Variants in CTBP2 observed in about 807,000 individuals in gnomAD.
CTBP2 encodes the protein C-terminal-binding protein 2.
In CTBP2, 30 loss-of-function variants were observed where a neutral mutation model predicts 80.3. The observed-to-expected ratio is 0.37, with a 90% CI of 0.28 to 0.51. CTBP2 has a LOEUF of 0.51. Among genes scored for constraint, CTBP2 ranks in the 20% least tolerant of loss-of-function variants. The pLI is 0.93. For synonymous variants in CTBP2, 594 were observed against 587.4 expected (o/e 1.01, Z -0.16); for missense variants, 1,212 against 1,375.3 (o/e 0.88, Z 1.88).
chr10:124,993,820 G>A (rs766702237), intron 6 of CTBP2, 35 bp downstream of exon 8: 4 of 1,596,784 alleles, frequency 2.5e-6, no homozygotes, highest in Non-Finnish European at 3.4e-6. Context: ...GCTGGGCCCT[G>A]TGGGCTCCTG....
At chr10:125,015,079 C>T (rs1248330010) in intron 1 of CTBP2, among the ~76,000 whole-genome samples, 1 of 152,214 alleles carries the variant, frequency 6.6e-6, no homozygotes, top group Non-Finnish European at 1.5e-5. Context: ...GCTCCACGTT[C>T]CTCGACATTA....
chr10:125,105,770 CAGAA>C (rs1851357469), intron 2 of CTBP2, among the ~76,000 whole-genome samples: 1 of 152,204 alleles, frequency 6.6e-6, no homozygotes, highest in African/African-American at 2.4e-5. Context: ...AAAATATTTA[CAGAA>C]AGAAATAACC....
intron 2 of CTBP2, among the ~76,000 whole-genome samples, chr10:125,080,194 G>A (rs1846962966): frequency 6.6e-6 from 1 of 152,048 alleles, no homozygotes; most frequent in Non-Finnish European, 1.5e-5. Flanking sequence ...ATTTTTTGGA[G>A]AAGATAAATC....
intron 2 of CTBP2, among the ~76,000 whole-genome samples, chr10:125,049,794 G>A (rs1962273209): frequency 6.6e-6 from 1 of 152,298 alleles, no homozygotes; most frequent in Admixed American, 6.5e-5. Flanking sequence ...CCCACCTGCT[G>A]AAGGAGTGGG....
chr10:125,128,255 G>T (rs1024812673), intron 1 of CTBP2, among the ~76,000 whole-genome samples: 1 of 152,176 alleles, frequency 6.6e-6, no homozygotes, highest in Non-Finnish European at 1.5e-5. Context: ...ACTTCTGTCA[G>T]TCATGAATGC....
chr10:125,049,099 C>A (rs556028878), intron 2 of CTBP2, among the ~76,000 whole-genome samples: 1 of 108,604 alleles, frequency 9.2e-6, no homozygotes, highest in South Asian at 3.1e-4. Context: ...ACACGTCCAC[C>A]TGACCACACA....
chr10:124,985,681 C>CT lies in CTBP2; in HGVS notation c.*3836dup, dbSNP rs1316040350. 6.6e-6 allele frequency: 1 copy of CT among 152,590 alleles called. No individual in the cohort carries two copies. 9.5% of individuals were successfully genotyped at this position (152,590 alleles called of 1,614,324 possible). On this transcript the variant is annotated 3_prime_UTR_variant, in exon 9 of 9. Transcript: ENST00000309035. ...GTCTTTAAGTTTTCTGATATGCCCC[C>CT]TTTCAATATTTAGATATTTATTTGT...
chr10:124,994,976 A>C (rs1953270487), intron 4 of CTBP2, among the ~76,000 whole-genome samples: 1 of 152,246 alleles, frequency 6.6e-6, no homozygotes, highest in Non-Finnish European at 1.5e-5. Context: ...TTTCAAACAC[A>C]GAGTGTTCTG....
upstream of CTBP2, among the ~76,000 whole-genome samples, chr10:125,030,362 T>G (rs1164110438): frequency 2.0e-5 from 3 of 152,148 alleles, no homozygotes; most frequent in African/African-American, 7.2e-5. Context: ...AGAGAGGCGA[T>G]GTCCACCCAA....
chr10:125,018,040 G>A (rs1447838647), intron 1 of CTBP2, among the ~76,000 whole-genome samples: 1 of 152,200 alleles, frequency 6.6e-6, no homozygotes, highest in African/African-American at 2.4e-5. Flanking sequence ...TCGGACTGGT[G>A]TCTCCTCCCC....
At chr10:125,008,293 C>T (rs1472675873) in intron 1 of CTBP2, among the ~76,000 whole-genome samples, 5 of 152,182 alleles carry the variant, frequency 3.3e-5, no homozygotes, top group Non-Finnish European at 7.3e-5. Flanking sequence ...ATGGAAGTTT[C>T]CTGACACCGT....
intron 1 of CTBP2, among the ~76,000 whole-genome samples, chr10:125,023,357 T>G (rs1194072663): frequency 1.3e-5 from 2 of 152,232 alleles, no homozygotes; most frequent in African/African-American, 4.8e-5. Context: ...TTGGCTGTAT[T>G]TTGTGAAGAC....
intron 1 of CTBP2, among the ~76,000 whole-genome samples, chr10:125,158,403 A>G (rs1207538935): frequency 6.6e-6 from 1 of 152,238 alleles, no homozygotes; most frequent in Non-Finnish European, 1.5e-5. Flanking sequence ...AACTTCCCCA[A>G]AATATAACGT....
rs1056654154 is a variant in CTBP2 at position 125,069,915 on chromosome 10, G to A, written c.-101-30760C>T. On this transcript the variant is annotated intron_variant, in intron 2 of 10. Coordinates refer to the CTBP2 transcript ENST00000337195. ...CCCCCCCACACAAACCCCAAAAGAAGTGAATATAGAAAGATAAAAAGTTAC... is the reference window on the plus strand; with the variant it reads ...CCCCCCCACACAAACCCCAAAAGAAATGAATATAGAAAGATAAAAAGTTAC... Among the ~76,000 whole-genome samples, 21 of 96,580 alleles carry A rather than the reference G, an allele frequency of 2.2e-4. No homozygotes were observed. In the East Asian group the frequency reaches 6.1e-3, roughly 28 times the overall value. The allele number at this position is 96,580 out of a possible 152,430, so 63.4% of individuals were successfully genotyped here. A position where few individuals can be genotyped will look rare whatever the true frequency, so the allele number is the denominator to read the frequency against.
chr10:125,008,802 A>G (rs1955539728), intron 1 of CTBP2, among the ~76,000 whole-genome samples: 1 of 152,278 alleles, frequency 6.6e-6, no homozygotes, highest in Admixed American at 6.5e-5. Context: ...GCTAGCCGTA[A>G]TAAGGAAATC....
intron 1 of CTBP2, among the ~76,000 whole-genome samples, chr10:125,135,237 A>G (rs1278570298): frequency 1.3e-5 from 2 of 152,092 alleles, no homozygotes; most frequent in Non-Finnish European, 2.9e-5. Context: ...GAATGCCTCC[A>G]GGTGTCCTTT....
chr10:124,992,209 CTTTTTTTTT>C (rs61400691), intron 8 of CTBP2, among the ~76,000 whole-genome samples: 3 of 102,496 alleles, frequency 2.9e-5, no homozygotes, highest in African/African-American at 1.1e-4. Context: ...TTGAGAAGCC[CTTTTTTTTT>C]TTTTTTTTTT....
At chr10:125,149,820 C>T (rs560031008) in intron 1 of CTBP2, among the ~76,000 whole-genome samples, 6 of 152,324 alleles carry the variant, frequency 3.9e-5, no homozygotes, top group South Asian at 2.1e-4. Context: ...TCCGGTGGAG[C>T]GGGGCTGGTC....
At chr10:125,151,453 A>T (rs1859856038) in intron 1 of CTBP2, among the ~76,000 whole-genome samples, 1 of 152,186 alleles carries the variant, frequency 6.6e-6, no homozygotes, top group African/African-American at 2.4e-5. Flanking sequence ...TTGTACTACA[A>T]GGAAAACACC....
Sources: allele counts gnomAD v4.1 joint callset (sites outside exome capture counted in the v4.1 genomes callset), GRCh38; gene constraint gnomAD v4.1.1; transcripts MANE v1.5; gene names NCBI Gene and HGNC (gene_info 2026-07-23, HGNC 2026-07-21).